Variants in PDCD1LG2 observed in about 807,000 individuals in gnomAD.
PDCD1LG2 encodes programmed cell death 1 ligand 2.
A neutral mutation model predicts 28.2 loss-of-function variants in PDCD1LG2; 32 were observed. The observed-to-expected ratio is 1.13, with a 90% CI of 0.86 to 1.52. The LOEUF is 1.52. Among genes scored for constraint, PDCD1LG2 ranks in the 40% most tolerant of loss-of-function variants. The pLI, the probability that PDCD1LG2 is intolerant of heterozygous loss-of-function variation, is 0.00. For missense variants in PDCD1LG2, 385 were observed against 323.8 expected (o/e 1.19, Z -1.45); for synonymous variants, 116 against 120.2 (o/e 0.97, Z 0.23).
intron 4 of PDCD1LG2, among the ~76,000 whole-genome samples, chr9:5,550,126 C>A (rs1816300209): frequency 6.6e-6 from 1 of 152,198 alleles, no homozygotes; most frequent in East Asian, 1.9e-4. Flanking sequence ...GTGATTCATG[C>A]ACAGTGTCAT....
chr9:5,529,201 G>C (rs1389393895), intron 2 of PDCD1LG2, among the ~76,000 whole-genome samples: 5 of 152,072 alleles, frequency 3.3e-5, no homozygotes, highest in African/African-American at 1.2e-4. Context: ...TCATGCTTTT[G>C]GTATCATATC....
intron 1 of PDCD1LG2, among the ~76,000 whole-genome samples, chr9:5,517,453 C>T (rs1820189609): frequency 6.6e-6 from 1 of 152,198 alleles, no homozygotes; most frequent in Non-Finnish European, 1.5e-5. Flanking sequence ...ACACCTTACT[C>T]TCGGGGAGAA....
At chr9:5,541,180 C>T (rs770940437) in intron 3 of PDCD1LG2, among the ~76,000 whole-genome samples, 5 of 151,996 alleles carry the variant, frequency 3.3e-5, no homozygotes, top group African/African-American at 1.2e-4. Context: ...TGATTAAAAC[C>T]CTCAGCAAAA....
In PDCD1LG2 at chr9:5,571,073, C is replaced by T. The variant is rs1368458547; in HGVS notation, c.*1114C>T. 1 of 232,248 alleles carries T rather than the reference C, an allele frequency of 4.3e-6. No individual in the cohort carries two copies. 14.4% of individuals were successfully genotyped at this position (232,248 alleles called of 1,614,324 possible). ...TGAACTATTCAAATGGGCACATTAG[C>T]TAGTATAACAGACTTACATAGGTGG... On this transcript the variant is annotated 3_prime_UTR_variant, in exon 7 of 7. Coordinates refer to ENST00000397747, the MANE Select transcript of PDCD1LG2 (RefSeq NM_025239.4).
intron 2 of PDCD1LG2, among the ~76,000 whole-genome samples, chr9:5,534,401 G>T (rs1820539063): frequency 6.6e-6 from 1 of 152,226 alleles, no homozygotes; most frequent in African/African-American, 2.4e-5. Context: ...TGGAATGACT[G>T]CAGGGCTTGG....
At position 5,528,156 on chromosome 9, in the gene PDCD1LG2, T is replaced by G. The variant is rs894587140; in HGVS notation, c.55+5555T>G. Among the ~76,000 whole-genome samples, 5 of 151,076 alleles carry G rather than the reference T, an allele frequency of 3.3e-5. No individual in the cohort carries two copies. The East Asian group carries it at 9.7e-4, about 29-fold the overall frequency. On this transcript the variant is annotated intron_variant, in intron 2 of 6. Transcript: ENST00000397747. ...TTTTCTTAAGTCATTCTAATAGGTGTGTAGAAGTGGTTCTAACTTGCATTT... is the reference window on the plus strand; with the variant it reads ...TTTTCTTAAGTCATTCTAATAGGTGGGTAGAAGTGGTTCTAACTTGCATTT...
At chr9:5,529,709 T>C (rs1321104417) in intron 2 of PDCD1LG2, among the ~76,000 whole-genome samples, 1 of 152,182 alleles carries the variant, frequency 6.6e-6, no homozygotes, top group Non-Finnish European at 1.5e-5. Context: ...AGGGCCACAA[T>C]GACCATGGTG....
intron 1 of PDCD1LG2, among the ~76,000 whole-genome samples, chr9:5,517,853 C>T (rs1820197250): frequency 6.6e-6 from 1 of 152,134 alleles, no homozygotes. Context: ...AGGTTCTTGT[C>T]CTTCACCTCA....
chr9:5,571,167 A>G lies in PDCD1LG2; in HGVS notation c.*1208A>G. 4.3e-6 allele frequency: 1 copy of G among 232,946 alleles called. No individual in the cohort carries two copies. The highest frequency in any genetic ancestry group is 8.5e-6 in the Non-Finnish European group (1 of 117,838). The allele number at this position is 232,946 out of a possible 1,614,324, so 14.4% of individuals were successfully genotyped here. ...AGAATGAAAGGGTGTGAAATTGACT[A>G]ACAGACAAATCATACATCTCAGTTT... On this transcript the variant is annotated 3_prime_UTR_variant, in exon 7 of 7. Coordinates refer to ENST00000397747, the MANE Select transcript of PDCD1LG2 (RefSeq NM_025239.4).
rs780613266 is a variant in PDCD1LG2, at chr9:5,549,486, A to G, written c.513A>G (p.Glu171=). The G allele has an allele frequency of 6.2e-7, 1 of 1,614,206 alleles. No individual in the cohort carries two copies. Among genetic ancestry groups the G allele is most frequent in the East Asian group, 2.2e-5 (1 of 44,886 alleles). Reference sequence around the variant, plus strand: ...ACACCAGCCACTCCAGGACCCCTGAAGGCCTCTACCAGGTCACCAGTGTTC... The same window carrying G: ...ACACCAGCCACTCCAGGACCCCTGAGGGCCTCTACCAGGTCACCAGTGTTC... ...PANTSHSRTP[E]GLYQVTSVLR... Residue 171 remains glutamate (E), a synonymous_variant, in exon 4 of 7, where the codon GAA becomes GAG. Coordinates refer to ENST00000397747, the MANE Select transcript of PDCD1LG2 (RefSeq NM_025239.4).
intron 5 of PDCD1LG2, among the ~76,000 whole-genome samples, chr9:5,561,245 A>G (rs1396672163): frequency 6.6e-6 from 1 of 152,204 alleles, no homozygotes; most frequent in Non-Finnish European, 1.5e-5. Flanking sequence ...ATGTACAGAT[A>G]ATTGCTCCTG....
intron 1 of PDCD1LG2, among the ~76,000 whole-genome samples, chr9:5,511,394 A>C (rs1820053926): frequency 1.3e-5 from 2 of 152,262 alleles, no homozygotes; most frequent in South Asian, 4.1e-4. Flanking sequence ...AAAATTAAAC[A>C]GAACTGAAAT....
At chr9:5,565,315 G>C (rs557650521) in intron 6 of PDCD1LG2, among the ~76,000 whole-genome samples, 1 of 152,232 alleles carries the variant, frequency 6.6e-6, no homozygotes, top group South Asian at 2.1e-4. Context: ...CTGAGTAGCT[G>C]GGACTACAGG....
At chr9:5,513,203 T>G (rs1336083926) in intron 1 of PDCD1LG2, among the ~76,000 whole-genome samples, 2 of 152,246 alleles carry the variant, frequency 1.3e-5, no homozygotes, top group African/African-American at 2.4e-5. Context: ...TCAACCTAAG[T>G]GTCCAGCCAA....
intron 1 of PDCD1LG2, among the ~76,000 whole-genome samples, chr9:5,520,400 A>C (rs1461689285): frequency 1.3e-5 from 2 of 152,210 alleles, no homozygotes; most frequent in Non-Finnish European, 2.9e-5. Flanking sequence ...CAGTAGAACA[A>C]ATTTGGAACT....
At chr9:5,541,779 A>G (rs1471982405) in intron 3 of PDCD1LG2, among the ~76,000 whole-genome samples, 1 of 152,096 alleles carries the variant, frequency 6.6e-6, no homozygotes, top group Non-Finnish European at 1.5e-5. Flanking sequence ...AGTCAATGCA[A>G]TCCCCATCAA....
chr9:5,536,383 A>G (rs1820581074), intron 3 of PDCD1LG2, among the ~76,000 whole-genome samples: 1 of 152,142 alleles, frequency 6.6e-6, no homozygotes, highest in Non-Finnish European at 1.5e-5. Context: ...TCACACCTCA[A>G]CCATCAATGA....
intron 2 of PDCD1LG2, among the ~76,000 whole-genome samples, chr9:5,530,190 C>T (rs1001377801): frequency 5.3e-5 from 8 of 152,096 alleles, no homozygotes; most frequent in Non-Finnish European, 1.0e-4. Flanking sequence ...CAAAGCTCCC[C>T]CAAGAATTTT....
chr9:5,540,176 C>G (rs1820661185), intron 3 of PDCD1LG2, among the ~76,000 whole-genome samples: 1 of 152,172 alleles, frequency 6.6e-6, no homozygotes, highest in South Asian at 2.1e-4. Flanking sequence ...TTTAAAAACT[C>G]TTTGAACTGA....
Sources: allele counts gnomAD v4.1 joint callset (sites outside exome capture counted in the v4.1 genomes callset), GRCh38; gene constraint gnomAD v4.1.1; transcripts MANE v1.5; gene names NCBI Gene and HGNC (gene_info 2026-07-23, HGNC 2026-07-21).